Variants in OSBPL3 observed in about 807,000 individuals in gnomAD.
OSBPL3 encodes oxysterol binding protein like 3, also known as oxysterol-binding protein-related protein 3.
OSBPL3 carries 65 observed loss-of-function variants against 120.1 expected under a neutral mutation model. The observed-to-expected ratio is 0.54, with a 90% CI of 0.44 to 0.67. OSBPL3 has a LOEUF of 0.67. Ranked by LOEUF, OSBPL3 falls within the 30% of genes least tolerant of loss-of-function variation. The pLI, the probability that OSBPL3 is intolerant of heterozygous loss-of-function variation, is 0.00. For synonymous variants in OSBPL3, 416 were observed against 402.6 expected, an observed-to-expected ratio of 1.03 and a Z score of -0.40; for missense variants, 1,004 against 1,082.1, an observed-to-expected ratio of 0.93 and a Z score of 1.01.
chr7:24,860,259 A>G (rs373498578), intron 10 of OSBPL3, among the ~76,000 whole-genome samples: 68 of 152,216 alleles, frequency 4.5e-4, no homozygotes, highest in African/African-American at 1.6e-3. Context: ...TACTTCCTCC[A>G]TCTCCATAAT....
chr7:24,848,431 A>C (rs1798703235), intron 12 of OSBPL3, among the ~76,000 whole-genome samples: 1 of 152,162 alleles, frequency 6.6e-6, no homozygotes, highest in Non-Finnish European at 1.5e-5. Flanking sequence ...TTTCCTACTT[A>C]TTTTTTGAGT....
chr7:24,904,617 C>A (rs1807585595), intron 1 of OSBPL3, among the ~76,000 whole-genome samples: 2 of 152,198 alleles, frequency 1.3e-5, no homozygotes, highest in African/African-American at 4.8e-5. Context: ...GTGGCGATCA[C>A]CGAACCAGTA....
chr7:24,814,943 G>A (rs1362824141), intron 19 of OSBPL3, 116 bp downstream of exon 19: 2 of 935,470 alleles, frequency 2.1e-6, no homozygotes, highest in South Asian at 1.5e-5. Flanking sequence ...CTCAGGCATT[G>A]CTTGCCTGCT....
In OSBPL3 at chr7:24,937,956, G is replaced by T. The variant is rs1812616794; in HGVS notation, c.-150+41930C>A. On this transcript the variant is annotated intron_variant, in intron 1 of 22. Coordinates refer to ENST00000313367, the MANE Select transcript of OSBPL3 (RefSeq NM_015550.4). This position sits in a 1 kb window ranked among gnomAD's most constrained non-coding sequence, Gnocchi z 4.0. The stretch of plus-strand genomic sequence containing the variant: ...GATGTGGACAGTGAAGGACAGAGAA[G>T]AAAACTATGGAGTGTTCTGCTTGGG... 6.6e-6 allele frequency among the ~76,000 whole-genome samples: 1 copy of T among 152,198 alleles called. No individual in the cohort carries two copies. Among genetic ancestry groups the T allele is most frequent in the Non-Finnish European group, 1.5e-5 (1 of 68,032 alleles).
rs1367409724 is a variant in OSBPL3, at chr7:24,804,079, C to T, written c.2567+236G>A. On this transcript the variant is annotated intron_variant, in intron 22 of 22. Coordinates refer to ENST00000313367, the MANE Select transcript of OSBPL3 (RefSeq NM_015550.4). The surrounding 1 kb of genome is among the most constrained non-coding windows in gnomAD (Gnocchi z 5.4). ...TCACTGGCTGAGGGCACTGGAAAAG[C>T]TCAAGGAATGCAAAAATGCAGGCCC... is the stretch of plus-strand genomic sequence containing the variant. Among the ~76,000 whole-genome samples, 1 of 152,128 alleles carries T rather than the reference C, an allele frequency of 6.6e-6. No individual in the cohort carries two copies. The highest frequency in any genetic ancestry group is 2.4e-5 in the African/African-American group (1 of 41,414).
rs183050701 is a variant in OSBPL3 at position 24,914,291 on chromosome 7, A to T, written c.-149-21670T>A. ...ACAGCAGAGCCAGTATTGGACAGCA[A>T]CAAGTTCTACCAGCCAGTAGCATCT... On this transcript the variant is annotated intron_variant, in intron 1 of 22. Transcript: ENST00000313367. Among the ~76,000 whole-genome samples the T allele has an allele frequency of 1.6e-3, 245 of 151,938 alleles. 2 individuals carry two copies. Among genetic ancestry groups the T allele is most frequent in the African/African-American group, 5.5e-3 (228 of 41,496 alleles).
intron 1 of OSBPL3, among the ~76,000 whole-genome samples, chr7:24,924,277 AG>A (rs1186597711): frequency 6.6e-6 from 1 of 152,196 alleles, no homozygotes; most frequent in Non-Finnish European, 1.5e-5. Context: ...GAAAATACCG[AG>A]GGAGATAATA....
At chr7:24,921,383 G>C (rs1810361465) in intron 1 of OSBPL3, among the ~76,000 whole-genome samples, 1 of 152,182 alleles carries the variant, frequency 6.6e-6, no homozygotes, top group South Asian at 2.1e-4. Flanking sequence ...AATAGGGCAA[G>C]CACAGATAAT....
chr7:24,857,011 A>G (rs1400180579), intron 10 of OSBPL3, among the ~76,000 whole-genome samples: 1 of 152,204 alleles, frequency 6.6e-6, no homozygotes, highest in African/African-American at 2.4e-5. Flanking sequence ...TTTATGAACA[A>G]TAAATGACTT....
At chr7:24,853,469 A>G (rs1799428972) in intron 10 of OSBPL3, among the ~76,000 whole-genome samples, 2 of 152,224 alleles carry the variant, frequency 1.3e-5, no homozygotes, top group South Asian at 4.1e-4. Context: ...GACGAAAGAG[A>G]AAGAAAGGCT....
At chr7:24,978,775 T>C (rs1051950622) in intron 1 of OSBPL3, among the ~76,000 whole-genome samples, 2 of 152,094 alleles carry the variant, frequency 1.3e-5, no homozygotes, top group African/African-American at 2.4e-5. Context: ...GAGCAACACC[T>C]AGGGGGTCTC....
intron 1 of OSBPL3, among the ~76,000 whole-genome samples, chr7:24,949,068 C>G (rs1309040268): frequency 6.6e-6 from 1 of 152,190 alleles, no homozygotes; most frequent in Admixed American, 6.5e-5. Flanking sequence ...ACCATGAAAA[C>G]ATTGTGAGTA....
chr7:24,820,456 T>C lies in OSBPL3; in HGVS notation c.1885-218A>G, dbSNP rs927159747. 3.9e-4 allele frequency among the ~76,000 whole-genome samples: 59 copies of C among 152,112 alleles called. No homozygotes were observed. Among genetic ancestry groups the C allele is most frequent in the Non-Finnish European group, 8.8e-5 (6 of 68,018 alleles). ...TGGTCAAGGCTGAGGGGAAGGCCCT[T>C]GAACGGAAGCCTCCAGAAGCCTCCG... is the stretch of plus-strand genomic sequence containing the variant. On this transcript the variant is annotated intron_variant, in intron 16 of 22. Transcript: ENST00000313367. The surrounding 1 kb of genome is among the most constrained non-coding windows in gnomAD (Gnocchi z 4.6).
At chr7:24,980,884 G>C (rs1818266931), upstream of OSBPL3, among the ~76,000 whole-genome samples, 1 of 152,094 alleles carries the variant, frequency 6.6e-6, no homozygotes, top group Admixed American at 6.5e-5. Flanking sequence ...AGACGGAAAA[G>C]TCCACCCGAC....
chr7:24,918,201 A>G lies in OSBPL3; in HGVS notation c.-149-25580T>C, dbSNP rs140263150. ...TGAGAGGTCAAGAGAGTCATGAGAA[A>G]CTGACCATCACATAAACACCATAGC... On this transcript the variant is annotated intron_variant, in intron 1 of 22. Transcript: ENST00000313367. The surrounding 1 kb of genome is among the most constrained non-coding windows in gnomAD (Gnocchi z 4.3). 2.0e-5 allele frequency: 5 copies of G among 256,140 alleles called. No homozygotes were observed. Among genetic ancestry groups the G allele is most frequent in the African/African-American group, 1.2e-4 (5 of 43,434 alleles). The allele number at this position is 256,140 out of a possible 1,614,324, so 15.9% of individuals were successfully genotyped here.
Position 24,906,788 on chromosome 7 carries a change from C to T in OSBPL3, c.-149-14167G>A, listed in dbSNP as rs879934489. ...TTTCTCTCCCAGTTCCATGGGCAGT[C>T]ACCAAAGTTTTGTCCCTCATCCACT... On this transcript the variant is annotated intron_variant, in intron 1 of 22. Transcript: ENST00000313367. Among the ~76,000 whole-genome samples the T allele has an allele frequency of 1.1e-4, 16 of 152,234 alleles. 1 individual carries two copies. Among genetic ancestry groups the T allele is most frequent in the Admixed American group, 4.6e-4 (7 of 15,296 alleles).
rs986709284 is a variant in OSBPL3 at position 24,862,252 on chromosome 7, C to G, written c.871-483G>C. ...TGAGAACTCAAGACAACACTTTCCA[C>G]AGAAACTTGCTTCTTGTGAGCTAAA... On this transcript the variant is annotated intron_variant, in intron 9 of 22. Transcript: ENST00000313367. This position sits in a 1 kb window ranked among gnomAD's most constrained non-coding sequence, Gnocchi z 4.4. 6.6e-6 allele frequency among the ~76,000 whole-genome samples: 1 copy of G among 152,190 alleles called. No individual in the cohort carries two copies. The highest frequency in any genetic ancestry group is 1.5e-5 in the Non-Finnish European group (1 of 68,042).
At chr7:24,897,691 A>C (rs1033738867) in intron 1 of OSBPL3, among the ~76,000 whole-genome samples, 3 of 152,218 alleles carry the variant, frequency 2.0e-5, no homozygotes, top group Non-Finnish European at 4.4e-5. Flanking sequence ...CCATAATGCG[A>C]GTGTGAACAG....
At chr7:24,864,537 G>T (rs906862834) in intron 7 of OSBPL3, among the ~76,000 whole-genome samples, 1 of 152,164 alleles carries the variant, frequency 6.6e-6, no homozygotes, top group Non-Finnish European at 1.5e-5. Flanking sequence ...AAGCCTACAT[G>T]GTCCCAAGGG....
Sources: gnomAD v4.1 joint callset for allele counts (sites outside exome capture counted in the v4.1 genomes callset) on GRCh38, gnomAD v4.1.1 for gene constraint, Gnocchi (gnomAD v3.1) non-coding constraint, MANE v1.5 for transcripts, NCBI Gene and HGNC (gene_info 2026-07-23, HGNC 2026-07-21) for gene names.